KCNQ1: variants seen among roughly 807,000 people sequenced by gnomAD.
The protein encoded by KCNQ1 is potassium voltage-gated channel subfamily Q member 1, also known as potassium voltage-gated channel subfamily KQT member 1.
A neutral mutation model predicts 72.4 loss-of-function variants in KCNQ1; 49 were observed. The ratio of observed to expected loss-of-function variants is 0.68; its 90% CI spans 0.54 to 0.86. The LOEUF (loss-of-function observed/expected upper bound fraction) is 0.86. Among genes scored for constraint, KCNQ1 ranks in the 40% least tolerant of loss-of-function variants. The pLI is 0.00. For missense variants in KCNQ1, 790 were observed against 945.1 expected (o/e 0.84, Z 2.15); for synonymous variants, 450 against 412.6 (o/e 1.09, Z -1.10).
chr11:2,765,509 A>C (rs1045936624), intron 11 of KCNQ1, among the ~76,000 whole-genome samples: 1 of 152,204 alleles, frequency 6.6e-6, no homozygotes, highest in African/African-American at 2.4e-5. Context: ...CAAGTTGCTA[A>C]TCAGGCTGTT....
At position 2,598,204 on chromosome 11, in the gene KCNQ1, A is replaced by T. The variant is rs1848757502; in HGVS notation, c.1393+9350A>T. Among the ~76,000 whole-genome samples, 1 of 152,166 alleles carries T rather than the reference A, an allele frequency of 6.6e-6. No homozygotes were observed. The highest frequency in any genetic ancestry group is 1.5e-5 in the Non-Finnish European group (1 of 68,008). ...TAAATTTTCCTCTGATTGCAGCTTTAGCTGTGACACGTAGATCTGATTATG... is the reference window on the plus strand; with the variant it reads ...TAAATTTTCCTCTGATTGCAGCTTTTGCTGTGACACGTAGATCTGATTATG... On this transcript the variant is annotated intron_variant, in intron 10 of 15. Coordinates refer to ENST00000155840, the MANE Select transcript of KCNQ1 (RefSeq NM_000218.3). This position sits in a 1 kb window ranked among gnomAD's most constrained non-coding sequence, Gnocchi z 6.2.
rs36157752 is a variant in KCNQ1, at chr11:2,458,633, C to CTGGATGGATGGATGGATGGATGGATGGA, written c.386+13175_386+13202dup. Among the ~76,000 whole-genome samples, 1 of 149,826 alleles carries CTGGATGGATGGATGGATGGATGGATGGA rather than the reference C, an allele frequency of 6.7e-6. No homozygotes were observed. The highest frequency in any genetic ancestry group is 1.5e-5 in the Non-Finnish European group (1 of 67,138). ...GCTCCCATCCACAATGCTTCCTTGC[C>CTGGATGGATGGATGGATGGATGGATGGA]TGGATGGATGGATGGATGGATGGAT... On this transcript the variant is annotated intron_variant, in intron 1 of 15. Coordinates refer to ENST00000155840, the MANE Select transcript of KCNQ1 (RefSeq NM_000218.3). The surrounding 1 kb of genome is among the most constrained non-coding windows in gnomAD (Gnocchi z 4.6).
At position 2,613,208 on chromosome 11, in the gene KCNQ1, G is replaced by C; in HGVS notation, c.1393+24354G>C. On this transcript the variant is annotated intron_variant, in intron 10 of 15. Transcript: ENST00000155840. The surrounding 1 kb of genome is among the most constrained non-coding windows in gnomAD (Gnocchi z 4.8). Reference sequence around the variant, plus strand: ...TTATAACTCTGTCCTGTATTTTACTGTCTGCTTGCAAAAGGTCTCACAGTC... The same window carrying C: ...TTATAACTCTGTCCTGTATTTTACTCTCTGCTTGCAAAAGGTCTCACAGTC... The C allele has an allele frequency of 2.5e-6, 1 of 398,508 alleles. No individual in the cohort carries two copies. Among genetic ancestry groups the C allele is most frequent in the Non-Finnish European group, 4.4e-6 (1 of 226,076 alleles). The allele number at this position is 398,508 out of a possible 1,614,324, so 24.7% of individuals were successfully genotyped here.
In KCNQ1 at chr11:2,536,004, G is replaced by A. The variant is rs185544769; in HGVS notation, c.477+7986G>A. On this transcript the variant is annotated intron_variant, in intron 2 of 15. Coordinates refer to ENST00000155840, the MANE Select transcript of KCNQ1 (RefSeq NM_000218.3). The surrounding 1 kb of genome is among the most constrained non-coding windows in gnomAD (Gnocchi z 7.4). ...CCCACGGGGCATGGCATGAAGACCCGGTGGTTCTGTTCCCCCGGGACAGCC... is the reference window on the plus strand; with the variant it reads ...CCCACGGGGCATGGCATGAAGACCCAGTGGTTCTGTTCCCCCGGGACAGCC... Among the ~76,000 whole-genome samples, 503 of 152,266 alleles carry A rather than the reference G, an allele frequency of 3.3e-3. 2 individuals are homozygous for A. The highest frequency in any genetic ancestry group is 0.012 in the African/African-American group (485 of 41,562).
At chr11:2,540,495 C>G (rs576581459) in intron 2 of KCNQ1, among the ~76,000 whole-genome samples, 1 of 152,314 alleles carries the variant, frequency 6.6e-6, no homozygotes, top group South Asian at 2.1e-4. Flanking sequence ...AACTGGCCAA[C>G]GGGATGCCTG....
At position 2,647,144 on chromosome 11, in the gene KCNQ1, T is replaced by A. The variant is rs1036987489; in HGVS notation, c.1394-14817T>A. 11 of 398,416 alleles carry A rather than the reference T, an allele frequency of 2.8e-5. No homozygotes were observed. Among genetic ancestry groups the A allele is most frequent in the Non-Finnish European group, 4.9e-5 (11 of 226,048 alleles). The allele number at this position is 398,416 out of a possible 1,614,324, so 24.7% of individuals were successfully genotyped here. ...TATGACCTTCATTGAGTTATGTTCC[T>A]TCTAGACATTATGTGATGAGCTTTT... On this transcript the variant is annotated intron_variant, in intron 10 of 15. Coordinates refer to ENST00000155840, the MANE Select transcript of KCNQ1 (RefSeq NM_000218.3). This position sits in a 1 kb window ranked among gnomAD's most constrained non-coding sequence, Gnocchi z 4.0.
intron 1 of KCNQ1, among the ~76,000 whole-genome samples, chr11:2,459,885 A>AT (rs112007526): frequency 4.7e-4 from 70 of 148,568 alleles, no homozygotes; most frequent in African/African-American, 8.6e-4. Flanking sequence ...TTTAGTAAGA[A>AT]TTTTTTTTTT....
rs1045036039 is a variant in KCNQ1, at chr11:2,608,355, C to T, written c.1393+19501C>T. On this transcript the variant is annotated intron_variant, in intron 10 of 15. Transcript: ENST00000155840. The surrounding 1 kb of genome is among the most constrained non-coding windows in gnomAD (Gnocchi z 4.6). The stretch of plus-strand genomic sequence containing the variant: ...GTCAGTTTTCATAGTTTTCATCTTT[C>T]TAGGAATTTGTCAATTTCATCTAAG... The T allele has an allele frequency of 1.0e-5, 4 of 398,398 alleles. No homozygotes were observed. The highest frequency in any genetic ancestry group is 1.8e-5 in the Non-Finnish European group (4 of 226,042). The allele number at this position is 398,398 out of a possible 1,614,324, so 24.7% of individuals were successfully genotyped here.
chr11:2,730,379 T>C (rs903570957), intron 11 of KCNQ1, among the ~76,000 whole-genome samples: 3 of 152,220 alleles, frequency 2.0e-5, no homozygotes, highest in African/African-American at 7.2e-5. Flanking sequence ...ATGGGCTACA[T>C]TCAAGGAGCC....
At position 2,624,191 on chromosome 11, in the gene KCNQ1, A is replaced by G. The variant is rs1044244906; in HGVS notation, c.1393+35337A>G. On this transcript the variant is annotated intron_variant, in intron 10 of 15. Transcript: ENST00000155840. The surrounding 1 kb of genome is among the most constrained non-coding windows in gnomAD (Gnocchi z 4.9). Reference sequence around the variant, plus strand: ...CGTAAGATGTGGGGCATCTTTTCATATACTTAGTTGCCATCTGTATATCTT... The same window carrying G: ...CGTAAGATGTGGGGCATCTTTTCATGTACTTAGTTGCCATCTGTATATCTT... 16 of 398,436 alleles carry G rather than the reference A, an allele frequency of 4.0e-5. No homozygotes were observed. Among genetic ancestry groups the G allele is most frequent in the African/African-American group, 3.1e-4 (15 of 48,610 alleles). The allele number at this position is 398,436 out of a possible 1,614,324, so 24.7% of individuals were successfully genotyped here.
Position 2,664,042 on chromosome 11 carries a change from T to C in KCNQ1, c.1514+1961T>C, listed in dbSNP as rs553075154. 8 of 398,672 alleles carry C rather than the reference T, an allele frequency of 2.0e-5. No individual in the cohort carries two copies. The South Asian group carries it at 1.0e-3, about 51-fold the overall frequency. 24.7% of individuals were successfully genotyped at this position (398,672 alleles called of 1,614,324 possible). A position where few individuals can be genotyped will look rare whatever the true frequency, so the allele number is the denominator to read the frequency against. On this transcript the variant is annotated intron_variant, in intron 11 of 15. Transcript: ENST00000155840. The surrounding 1 kb of genome is among the most constrained non-coding windows in gnomAD (Gnocchi z 5.1). Reference sequence around the variant, plus strand: ...TGCAAGATCCTGCAGCCTTTTCAGGTTGGCACTCCCATGGCCTCCAGTGAT... The same window carrying C: ...TGCAAGATCCTGCAGCCTTTTCAGGCTGGCACTCCCATGGCCTCCAGTGAT...
intron 1 of KCNQ1, among the ~76,000 whole-genome samples, chr11:2,522,743 T>C (rs544091089): frequency 1.4e-4 from 21 of 152,354 alleles, no homozygotes; most frequent in African/African-American, 5.1e-4. Context: ...CTGCCTGGCC[T>C]GCGGGGGAAC....
intron 1 of KCNQ1, among the ~76,000 whole-genome samples, chr11:2,512,689 G>A (rs779063846): frequency 6.6e-6 from 1 of 152,206 alleles, no homozygotes; most frequent in Non-Finnish European, 1.5e-5. Context: ...CTGGGTGTCT[G>A]GGGCCACACT....
At chr11:2,811,685 G>A (rs190839416) in intron 15 of KCNQ1, among the ~76,000 whole-genome samples, 181 of 152,366 alleles carry the variant, frequency 1.2e-3, no homozygotes, top group African/African-American at 3.7e-3. Flanking sequence ...CGCAGCACAA[G>A]GGTCAGCAGA....
intron 6 of KCNQ1, among the ~76,000 whole-genome samples, chr11:2,576,794 G>A (rs1848429517): frequency 1.3e-5 from 2 of 152,246 alleles, no homozygotes; most frequent in South Asian, 4.1e-4. Flanking sequence ...CCAGCGGGAG[G>A]GGTGGTGTCA....
Position 2,780,999 on chromosome 11 carries a change from G to A in KCNQ1, c.1794+2962G>A, listed in dbSNP as rs545535835. On this transcript the variant is annotated intron_variant, in intron 15 of 15. Coordinates refer to ENST00000155840, the MANE Select transcript of KCNQ1 (RefSeq NM_000218.3). Reference sequence around the variant, plus strand: ...GGCTTAGGTTCTGCCTCACTCCAGGGTGTGGAGAGCAGAAACCCACCCACA... The same window carrying A: ...GGCTTAGGTTCTGCCTCACTCCAGGATGTGGAGAGCAGAAACCCACCCACA... 4.6e-5 allele frequency among the ~76,000 whole-genome samples: 7 copies of A among 152,202 alleles called. No individual in the cohort carries two copies. The East Asian group carries it at 1.2e-3, about 25-fold the overall frequency.
intron 2 of KCNQ1, among the ~76,000 whole-genome samples, chr11:2,535,328 G>C (rs1047104139): frequency 1.6e-4 from 25 of 152,220 alleles, no homozygotes; most frequent in African/African-American, 6.0e-4. Context: ...CTGAACTTCA[G>C]CTGCCACCCA....
intron 1 of KCNQ1, among the ~76,000 whole-genome samples, chr11:2,522,381 C>T (rs916642731): frequency 6.6e-5 from 10 of 152,126 alleles, no homozygotes; most frequent in South Asian, 4.1e-4. Flanking sequence ...CTTAGTTTCC[C>T]GGCTCTGCAG....
chr11:2,572,088 C>T lies in KCNQ1; in HGVS notation c.759C>T (p.Ser253=), dbSNP rs752457145. Residue 253 remains serine (S), a synonymous_variant, in exon 5 of 16, where the codon TCC becomes TCT. Coordinates refer to ENST00000155840, the MANE Select transcript of KCNQ1 (RefSeq NM_000218.3). ...GAGGCACCTGGAGGCTCCTGGGCTC[C>T]GTGGTCTTCATCCACCGCCAGGTGG... ...RQGGTWRLLG[S]VVFIHRQELI... 2.5e-5 allele frequency: 40 copies of T among 1,612,390 alleles called. No homozygotes were observed. In the African/African-American group the frequency reaches 2.5e-4, roughly 10 times the overall value.
Sources: gnomAD v4.1 joint callset for allele counts (sites outside exome capture counted in the v4.1 genomes callset) on GRCh38, gnomAD v4.1.1 for gene constraint, Gnocchi (gnomAD v3.1) non-coding constraint, MANE v1.5 for transcripts, NCBI Gene and HGNC (gene_info 2026-07-23, HGNC 2026-07-21) for gene names.